Variants in ZNF704 observed in about 807,000 individuals in gnomAD.
ZNF704 encodes zinc finger protein 704.
Under a neutral mutation model 44.7 loss-of-function variants are expected in ZNF704, and 10 were observed. The ratio of observed to expected loss-of-function variants is 0.22; its 90% CI spans 0.14 to 0.38. The LOEUF (loss-of-function observed/expected upper bound fraction) is 0.38, where lower values mean the gene tolerates loss of function less well. Among genes scored for constraint, ZNF704 ranks in the 10% least tolerant of loss-of-function variants. The pLI, the probability that ZNF704 is intolerant of heterozygous loss-of-function variation, is 1.00. For missense variants in ZNF704, 390 were observed against 545.5 expected, an observed-to-expected ratio of 0.71 and a Z score of 2.84; for synonymous variants, 211 against 207.6, an observed-to-expected ratio of 1.02 and a Z score of -0.14.
At chr8:80,860,140 T>C (rs910103579) in intron 1 of ZNF704, among the ~76,000 whole-genome samples, 1 of 152,190 alleles carries the variant, frequency 6.6e-6, no homozygotes, top group African/African-American at 2.4e-5. Flanking sequence ...CCTCTGTACT[T>C]CTGTGTGGCT....
At chr8:80,721,001 A>G (rs771127802) in intron 2 of ZNF704, among the ~76,000 whole-genome samples, 3 of 152,208 alleles carry the variant, frequency 2.0e-5, no homozygotes, top group Non-Finnish European at 4.4e-5. Context: ...CCAGGGTCCC[A>G]TTCGCATTGT....
At position 80,730,409 on chromosome 8, in the gene ZNF704, C is replaced by T. The variant is rs571839797; in HGVS notation, c.222-37302G>A. Among the ~76,000 whole-genome samples the T allele has an allele frequency of 1.6e-4, 24 of 151,726 alleles. No homozygotes were observed. The South Asian group carries it at 4.4e-3, about 28-fold the overall frequency. ...AAAAAATTAGCCAGGCATGGTGGTG[C>T]GTGCCTGTAGTCCCAGCTACTAGGG... is the stretch of plus-strand genomic sequence containing the variant. On this transcript the variant is annotated intron_variant, in intron 2 of 8. Transcript: ENST00000327835.
chr8:80,873,635 C>G (rs1809298851), intron 1 of ZNF704: 1 of 153,484 alleles, frequency 6.5e-6, no homozygotes, highest in Non-Finnish European at 1.4e-5. Context: ...GTCTTCGTCG[C>G]CGTCCACCAC....
chr8:80,696,186 G>A (rs1192403376), intron 2 of ZNF704, among the ~76,000 whole-genome samples: 2 of 152,126 alleles, frequency 1.3e-5, no homozygotes, highest in African/African-American at 4.8e-5. Context: ...TGGAGTTATT[G>A]ATAAAAAACA....
At chr8:80,668,946 G>A (rs966704448) in intron 5 of ZNF704, among the ~76,000 whole-genome samples, 2 of 152,060 alleles carry the variant, frequency 1.3e-5, no homozygotes, top group East Asian at 3.9e-4. Context: ...ATTCCTGTAC[G>A]GTGCCTGGCA....
At chr8:80,775,601 A>G (rs1204039035) in intron 2 of ZNF704, among the ~76,000 whole-genome samples, 1 of 152,256 alleles carries the variant, frequency 6.6e-6, no homozygotes, top group African/African-American at 2.4e-5. Context: ...AACAGTAATC[A>G]TCATTTAAGT....
intron 1 of ZNF704, among the ~76,000 whole-genome samples, chr8:80,841,584 GT>G (rs1808680531): frequency 6.6e-6 from 1 of 152,122 alleles, no homozygotes; most frequent in Non-Finnish European, 1.5e-5. Context: ...GAAAGATGTT[GT>G]AACTTTAATA....
At chr8:80,868,358 G>C (rs1586087442) in intron 1 of ZNF704, among the ~76,000 whole-genome samples, 1 of 152,206 alleles carries the variant, frequency 6.6e-6, no homozygotes, top group South Asian at 2.1e-4. Flanking sequence ...GTATCCATTA[G>C]AGTAATCAAG....
chr8:80,751,641 T>C (rs928291035), intron 2 of ZNF704, among the ~76,000 whole-genome samples: 1 of 152,234 alleles, frequency 6.6e-6, no homozygotes, highest in Admixed American at 6.5e-5. Context: ...GTAAAGATTC[T>C]TGAAATTGCT....
chr8:80,638,288 G>A lies in ZNF704; in HGVS notation c.*3078C>T, dbSNP rs1817691160. 6.6e-6 allele frequency: 1 copy of A among 152,056 alleles called. No individual in the cohort carries two copies. The highest frequency in any genetic ancestry group is 1.5e-5 in the Non-Finnish European group (1 of 68,040). 9.4% of individuals were successfully genotyped at this position (152,056 alleles called of 1,614,324 possible). A position where few individuals can be genotyped will look rare whatever the true frequency, so the allele number is the denominator to read the frequency against. On this transcript the variant is annotated 3_prime_UTR_variant, in exon 9 of 9. Coordinates refer to ENST00000327835, the MANE Select transcript of ZNF704 (RefSeq NM_001033723.3). ...ATGAAAAACCTTTTCTGAAGGCTGG[G>A]GTGTCAAAGGATAAAAAAAAAATCA...
At chr8:80,706,919 G>C (rs1437020677) in intron 2 of ZNF704, among the ~76,000 whole-genome samples, 1 of 152,132 alleles carries the variant, frequency 6.6e-6, no homozygotes, top group Non-Finnish European at 1.5e-5. Flanking sequence ...ACAGACTACT[G>C]AATCAATCCC....
At chr8:80,814,278 T>C in intron 2 of ZNF704, 1 of 152,220 alleles carries the variant, frequency 6.6e-6, no homozygotes, top group African/African-American at 2.4e-5. Flanking sequence ...GATTTGTGTG[T>C]TGATGTGAGA....
intron 2 of ZNF704, among the ~76,000 whole-genome samples, chr8:80,771,482 A>C (rs1429513219): frequency 6.6e-6 from 1 of 152,142 alleles, no homozygotes; most frequent in African/African-American, 2.4e-5. Context: ...ACTGTATTTT[A>C]AATTCCAGTT....
chr8:80,693,201 A>G, intron 2 of ZNF704, 94 bp from the exon 3 acceptor site: 1 of 1,021,098 alleles, frequency 9.8e-7, no homozygotes, highest in Non-Finnish European at 1.5e-6. Context: ...TACTCCATTA[A>G]CTTATCCCCA....
chr8:80,642,230 A>C (rs531690259), intron 8 of ZNF704, among the ~76,000 whole-genome samples: 1 of 152,304 alleles, frequency 6.6e-6, no homozygotes, highest in East Asian at 1.9e-4. Flanking sequence ...ATTCATTCTT[A>C]CTGTCGATCT....
intron 2 of ZNF704, among the ~76,000 whole-genome samples, chr8:80,808,483 T>C (rs1808027827): frequency 6.6e-6 from 1 of 152,218 alleles, no homozygotes; most frequent in South Asian, 2.1e-4. Context: ...ATGTGGAAAA[T>C]ATGACTACAC....
intron 6 of ZNF704, among the ~76,000 whole-genome samples, chr8:80,660,670 T>C (rs1818088877): frequency 1.3e-5 from 2 of 152,086 alleles, no homozygotes; most frequent in Admixed American, 1.3e-4. Context: ...ACCAAGGCGA[T>C]GAGAACATAC....
At chr8:80,768,814 G>C (rs548962777) in intron 2 of ZNF704, among the ~76,000 whole-genome samples, 1 of 152,260 alleles carries the variant, frequency 6.6e-6, no homozygotes, top group Admixed American at 6.5e-5. Context: ...ATTTACACCA[G>C]AGAAATCAGC....
chr8:80,720,029 G>C (rs568231755), intron 2 of ZNF704, among the ~76,000 whole-genome samples: 8 of 152,264 alleles, frequency 5.3e-5, no homozygotes, highest in Middle Eastern at 3.4e-3. Flanking sequence ...ATTTGTCCAA[G>C]GTCACACAGC....
Sources: gnomAD v4.1 joint callset for allele counts (sites outside exome capture counted in the v4.1 genomes callset) on GRCh38, gnomAD v4.1.1 for gene constraint, MANE v1.5 for transcripts, NCBI Gene and HGNC (gene_info 2026-07-23, HGNC 2026-07-21) for gene names.